Variants in AMMECR1 observed in about 807,000 individuals in gnomAD.
AMMECR1 encodes the protein AMMECR nuclear protein 1.
A neutral mutation model predicts 22.5 loss-of-function variants in AMMECR1; 3 were observed. That is an observed-to-expected ratio of 0.13 (90% CI 0.06 to 0.35). AMMECR1 has a LOEUF of 0.35. Among genes scored for constraint, AMMECR1 ranks in the 10% least tolerant of loss-of-function variants. The probability of loss-of-function intolerance (pLI) is 1.00; values close to 1 mark genes in which losing one functional copy is unlikely to be tolerated. For missense variants in AMMECR1, 235 were observed against 278.7 expected (o/e 0.84, Z 1.12); for synonymous variants, 130 against 116.7 (o/e 1.11, Z -0.74).
Position 110,249,539 on chromosome X carries a change from G to GCA in AMMECR1, c.584+14948_584+14949dup, listed in dbSNP as rs372466788. On this transcript the variant is annotated intron_variant, in intron 2 of 5. Transcript: ENST00000262844. Reference sequence around the variant, plus strand: ...ATATAAAATACCTACGAGAGTTCCAGCACACACACACAAAACAGAAGTTAC... The same window carrying GCA: ...ATATAAAATACCTACGAGAGTTCCAGCACACACACACACAAAACAGAAGTTAC... Among the ~76,000 whole-genome samples the GCA allele has an allele frequency of 1.9e-3, 215 of 111,343 alleles. 1 individual carries two copies. The highest frequency in any genetic ancestry group is 6.8e-3 in the African/African-American group (207 of 30,603).
chrX:110,318,107 C>T, upstream of AMMECR1: 3 of 1,096,306 alleles, frequency 2.7e-6, no homozygotes, highest in Non-Finnish European at 3.6e-6. Flanking sequence ...GTTTCCGACC[C>T]ATAAGTGAGG....
chrX:110,292,201 C>G (rs1246000689), intron 1 of AMMECR1, among the ~76,000 whole-genome samples: 1 of 112,345 alleles, frequency 8.9e-6, no homozygotes, highest in Non-Finnish European at 1.9e-5. Context: ...TGCAGGTGTG[C>G]TGATACAGAA....
At chrX:110,295,891 C>G (rs902197471) in intron 1 of AMMECR1, among the ~76,000 whole-genome samples, 1 of 111,817 alleles carries the variant, frequency 8.9e-6, no homozygotes, top group African/African-American at 3.2e-5. Context: ...GAAATACGCC[C>G]ATCAACAGTT....
intron 1 of AMMECR1, among the ~76,000 whole-genome samples, chrX:110,301,073 C>T (rs1462742411): frequency 9.0e-6 from 1 of 111,551 alleles, no homozygotes; most frequent in Non-Finnish European, 1.9e-5. Flanking sequence ...GAAAACTAGA[C>T]ATTTTAAACA....
intron 1 of AMMECR1, among the ~76,000 whole-genome samples, chrX:110,430,589 A>G (rs777705115): frequency 1.4e-4 from 16 of 111,884 alleles, no homozygotes; most frequent in Non-Finnish European, 3.0e-4. Context: ...GAAGCAATAG[A>G]GTGGAAATTT....
chrX:110,232,696 C>G (rs1234497982), intron 2 of AMMECR1, among the ~76,000 whole-genome samples: 9 of 108,931 alleles, frequency 8.3e-5, no homozygotes, highest in Non-Finnish European at 1.1e-4. Flanking sequence ...CGAGACCATC[C>G]CGGCTAACAC....
intron 2 of AMMECR1, among the ~76,000 whole-genome samples, chrX:110,260,732 T>C (rs762930717): frequency 2.7e-4 from 30 of 111,508 alleles, no homozygotes; most frequent in Non-Finnish European, 4.5e-4. Flanking sequence ...AGATATTTTG[T>C]GCACCTATGT....
chrX:110,408,376 G>A (rs930021133), intron 2 of AMMECR1, among the ~76,000 whole-genome samples: 5 of 112,161 alleles, frequency 4.5e-5, no homozygotes, highest in African/African-American at 1.6e-4. Context: ...GTATTCAGAG[G>A]ACTGGAAATG....
intron 1 of AMMECR1, among the ~76,000 whole-genome samples, chrX:110,273,695 T>C (rs768022249): frequency 1.8e-5 from 2 of 111,927 alleles, no homozygotes; most frequent in Admixed American, 9.5e-5. Flanking sequence ...CTTCTGCACA[T>C]AGCTAGCCAA....
At chrX:110,422,010 C>T (rs973720524) in intron 2 of AMMECR1, among the ~76,000 whole-genome samples, 1 of 113,192 alleles carries the variant, frequency 8.8e-6, no homozygotes, top group African/African-American at 3.2e-5. Context: ...TTGTTTTATT[C>T]TAAGTTCCCA....
At chrX:110,230,501 TC>T (rs1217099706) in intron 2 of AMMECR1, among the ~76,000 whole-genome samples, 2 of 111,872 alleles carry the variant, frequency 1.8e-5, no homozygotes, top group African/African-American at 6.5e-5. Context: ...AAAAAGGTCA[TC>T]TACACCAAAA....
intron 2 of AMMECR1, among the ~76,000 whole-genome samples, chrX:110,367,444 CCTT>C (rs1399547506): frequency 1.8e-5 from 2 of 111,380 alleles, no homozygotes; most frequent in African/African-American, 6.6e-5. Context: ...TTACTGTTCT[CCTT>C]TTTTTTTCGC....
At chrX:110,216,311 T>G (rs2067473143) in intron 3 of AMMECR1, among the ~76,000 whole-genome samples, 1 of 111,736 alleles carries the variant, frequency 8.9e-6, no homozygotes, top group Non-Finnish European at 1.9e-5. Flanking sequence ...AAATTCAGTT[T>G]GGGGATTATA....
chrX:110,324,273 A>T (rs749140434), intron 2 of AMMECR1, among the ~76,000 whole-genome samples: 15 of 111,857 alleles, frequency 1.3e-4, no homozygotes, highest in African/African-American at 4.9e-4. Context: ...CTGGGATTAC[A>T]GGCGTGAGCC....
At chrX:110,300,534 C>A (rs772759370) in intron 1 of AMMECR1, among the ~76,000 whole-genome samples, 2 of 111,931 alleles carry the variant, frequency 1.8e-5, no homozygotes, top group African/African-American at 3.2e-5. Flanking sequence ...AGCAACAGAT[C>A]ATTAGATTAG....
intron 2 of AMMECR1, among the ~76,000 whole-genome samples, chrX:110,423,053 C>T (rs967735724): frequency 8.9e-6 from 1 of 112,109 alleles, no homozygotes; most frequent in Non-Finnish European, 1.9e-5. Context: ...GGAGGCCGGG[C>T]GCGGTGTCTC....
chrX:110,231,842 C>CA (rs904131652), intron 2 of AMMECR1, among the ~76,000 whole-genome samples: 4 of 108,068 alleles, frequency 3.7e-5, no homozygotes, highest in South Asian at 4.0e-4. Flanking sequence ...AAACAGAAAG[C>CA]AAAAAAAAGC....
chrX:110,387,527 G>C (rs911013153), intron 2 of AMMECR1, among the ~76,000 whole-genome samples: 10 of 112,044 alleles, frequency 8.9e-5, no homozygotes, highest in African/African-American at 3.2e-4. Flanking sequence ...TAGAATCATA[G>C]TTCTTAGACT....
chrX:110,386,115 G>A (rs1380675775), intron 2 of AMMECR1, among the ~76,000 whole-genome samples: 1 of 110,857 alleles, frequency 9.0e-6, no homozygotes, highest in Non-Finnish European at 1.9e-5. Flanking sequence ...TTTGTGTAAA[G>A]ATATGTTTTT....
Sources: allele counts gnomAD v4.1 joint callset (sites outside exome capture counted in the v4.1 genomes callset), GRCh38; gene constraint gnomAD v4.1.1; transcripts MANE v1.5; gene names NCBI Gene and HGNC (gene_info 2026-07-23, HGNC 2026-07-21).